The following MYT1 variants were observed in gnomAD, a reference collection of about 807,000 sequenced individuals.
MYT1 encodes the protein myelin transcription factor I.
MYT1 carries 23 observed loss-of-function variants against 123.0 expected under a neutral mutation model. The observed-to-expected ratio is 0.19, with a 90% confidence interval of 0.13 to 0.26. The LOEUF (loss-of-function observed/expected upper bound fraction) is 0.26. Among genes scored for constraint, MYT1 ranks in the 10% least tolerant of loss-of-function variants. MYT1 has a pLI of 1.00. For synonymous variants in MYT1, 518 were observed against 575.3 expected, an observed-to-expected ratio of 0.90 and a Z score of 1.43; for missense variants, 1,125 against 1,472.5, an observed-to-expected ratio of 0.76 and a Z score of 3.86.
At chr20:64,230,411 G>C (rs1172331659) in intron 18 of MYT1, among the ~76,000 whole-genome samples, 1 of 152,262 alleles carries the variant, frequency 6.6e-6, no homozygotes, top group Non-Finnish European at 1.5e-5. Flanking sequence ...TACTCGGGAG[G>C]CTGAGGCAGG....
Position 64,192,518 on chromosome 20 carries a change from G to A in MYT1, c.-1+2358G>A, listed in dbSNP as rs1418282477. Among the ~76,000 whole-genome samples the A allele has an allele frequency of 6.6e-6, 1 of 152,342 alleles. No individual in the cohort carries two copies. Among genetic ancestry groups the A allele is most frequent in the Admixed American group, 6.5e-5 (1 of 15,308 alleles). The stretch of plus-strand genomic sequence containing the variant: ...GGTGAGGAGCCAGCATGGGAGGGCA[G>A]TGAACACACAAACCCTGTGCATGGG... On this transcript the variant is annotated intron_variant, in intron 2 of 22. Coordinates refer to ENST00000328439, the MANE Select transcript of MYT1 (RefSeq NM_004535.3). The surrounding 1 kb of genome is among the most constrained non-coding windows in gnomAD (Gnocchi z 5.3).
chr20:64,222,056 C>T lies in MYT1; in HGVS notation c.2396+9C>T, dbSNP rs927730233. Reference sequence around the variant, plus strand: ...AAGAAGGAGCTGCTCACGTAAGTCCCTGTTTGGCTGGCACAGCTCCTAGGG... The same window carrying T: ...AAGAAGGAGCTGCTCACGTAAGTCCTTGTTTGGCTGGCACAGCTCCTAGGG... On this transcript the variant is annotated intron_variant, in intron 14 of 22. Coordinates refer to ENST00000328439, the MANE Select transcript of MYT1 (RefSeq NM_004535.3). 1.5e-5 allele frequency: 24 copies of T among 1,612,142 alleles called. No individual in the cohort carries two copies. Among genetic ancestry groups the T allele is most frequent in the Non-Finnish European group, 1.9e-5 (23 of 1,179,836 alleles).
chr20:64,200,037 C>T, intron 4 of MYT1, 115 bp downstream of exon 4: 1 of 1,250,080 alleles, frequency 8.0e-7, no homozygotes, highest in Non-Finnish European at 1.2e-6. Flanking sequence ...CTGGTGAGCC[C>T]CTGCTTTCCC....
rs1412388379 is a variant in MYT1, at chr20:64,242,204, T to C, written c.*1756T>C. 6.6e-6 allele frequency: 1 copy of C among 152,518 alleles called. No individual in the cohort carries two copies. The highest frequency in any genetic ancestry group is 2.4e-5 in the African/African-American group (1 of 41,410). The allele number at this position is 152,518 out of a possible 1,614,324, so 9.4% of individuals were successfully genotyped here. A position where few individuals can be genotyped will look rare whatever the true frequency, so the allele number is the denominator to read the frequency against. ...AGCGCGTTGAACCCACAGCACTCCG[T>C]GGTGTGTTTGCAGGGTGATTTCCTA... is the stretch of plus-strand genomic sequence containing the variant. On this transcript the variant is annotated 3_prime_UTR_variant, in exon 23 of 23. Coordinates refer to ENST00000328439, the MANE Select transcript of MYT1 (RefSeq NM_004535.3).
intron 3 of MYT1, 25 bp downstream of exon 3, chr20:64,198,941 A>G: frequency 6.2e-7 from 1 of 1,612,518 alleles, no homozygotes; most frequent in Non-Finnish European, 8.5e-7. Context: ...CCCCTCCTCC[A>G]GGGCTGTAAA....
chr20:64,211,743 AT>A (rs1983672354), intron 8 of MYT1, among the ~76,000 whole-genome samples: 1 of 152,358 alleles, frequency 6.6e-6, no homozygotes, highest in East Asian at 1.9e-4. Context: ...TGAAAATTAA[AT>A]TTAAAGGAGC....
intron 10 of MYT1, among the ~76,000 whole-genome samples, chr20:64,214,374 T>G (rs1301085995): frequency 6.6e-6 from 1 of 152,260 alleles, no homozygotes; most frequent in African/African-American, 2.4e-5. Flanking sequence ...TATGTTTACA[T>G]GTGCGTGCAA....
chr20:64,196,926 T>C lies in MYT1; in HGVS notation c.1-1936T>C, dbSNP rs1298982762. 6.6e-6 allele frequency among the ~76,000 whole-genome samples: 1 copy of C among 152,242 alleles called. No individual in the cohort carries two copies. Among genetic ancestry groups the C allele is most frequent in the Non-Finnish European group, 1.5e-5 (1 of 68,044 alleles). On this transcript the variant is annotated intron_variant, in intron 2 of 22. Coordinates refer to ENST00000328439, the MANE Select transcript of MYT1 (RefSeq NM_004535.3). The surrounding 1 kb of genome is among the most constrained non-coding windows in gnomAD (Gnocchi z 4.3). The stretch of plus-strand genomic sequence containing the variant: ...ATAAAGCCGTAGATTGCATTTCAGC[T>C]GAGTGCAGGCACCGCACAAGTCCCA...
chr20:64,210,323 G>A (rs1028029649), intron 7 of MYT1, among the ~76,000 whole-genome samples: 10 of 152,268 alleles, frequency 6.6e-5, no homozygotes, highest in African/African-American at 2.2e-4. Flanking sequence ...TGAACGTGCG[G>A]TTCTGGTTCT....
intron 22 of MYT1, 145 bp from the exon 23 acceptor site, chr20:64,240,175 A>T: frequency 8.3e-7 from 1 of 1,210,158 alleles, no homozygotes; most frequent in Non-Finnish European, 1.1e-6. Flanking sequence ...GGATGGCTGC[A>T]GAGAGGAACG....
rs1983717815 is a variant in MYT1, at chr20:64,212,727, G to A, written c.1517+589G>A. ...CTCTGGGCTGCTTTGTGGGAGTTCTGAGGCCCAGGTGGAAGTGAAGCTTCC... is the reference window on the plus strand; with the variant it reads ...CTCTGGGCTGCTTTGTGGGAGTTCTAAGGCCCAGGTGGAAGTGAAGCTTCC... On this transcript the variant is annotated intron_variant, in intron 9 of 22. Transcript: ENST00000328439. This position sits in a 1 kb window ranked among gnomAD's most constrained non-coding sequence, Gnocchi z 6.8. 6.6e-6 allele frequency among the ~76,000 whole-genome samples: 1 copy of A among 152,096 alleles called. No homozygotes were observed. The highest frequency in any genetic ancestry group is 2.1e-4 in the South Asian group (1 of 4,814).
Position 64,185,536 on chromosome 20 carries a change from G to T in MYT1, c.-98-4527G>T, listed in dbSNP as rs1025891730. On this transcript the variant is annotated intron_variant, in intron 1 of 22. Coordinates refer to ENST00000328439, the MANE Select transcript of MYT1 (RefSeq NM_004535.3). The surrounding 1 kb of genome is among the most constrained non-coding windows in gnomAD (Gnocchi z 4.5). ...TCAGTCTTCCTGTTATTTTGTTCTT[G>T]TTTTCAGAGTGGGGAGGTTTTACAC... 6.6e-6 allele frequency among the ~76,000 whole-genome samples: 1 copy of T among 152,232 alleles called. No individual in the cohort carries two copies. The highest frequency in any genetic ancestry group is 1.5e-5 in the Non-Finnish European group (1 of 68,034).
In MYT1 at chr20:64,208,030, A is replaced by G. The variant is rs770887976; in HGVS notation, c.834A>G (p.Glu278=). The G allele has an allele frequency of 1.5e-5, 24 of 1,591,408 alleles. No homozygotes were observed. The highest frequency in any genetic ancestry group is 1.0e-4 in the Admixed American group (6 of 58,868). ...EEEEEEDEEE[E]EEEEEEEEEE... ...AGGAGGAGGAGGATGAAGAAGAGGA[A>G]GAGGAAGAGGAGGAGGAAGAGGAAG... The change falls in exon 7 of 23, where the codon GAA becomes GAG. Residue 278 remains glutamate (E), a synonymous_variant. Coordinates refer to ENST00000328439, the MANE Select transcript of MYT1 (RefSeq NM_004535.3). The surrounding 1 kb of genome is among the most constrained non-coding windows in gnomAD (Gnocchi z 5.4).
At chr20:64,236,942 G>A (rs145021915) in intron 20 of MYT1, among the ~76,000 whole-genome samples, 61 of 152,282 alleles carry the variant, frequency 4.0e-4, no homozygotes, top group Non-Finnish European at 7.2e-4. Flanking sequence ...TGAGTTTGTG[G>A]AGAGGTGTGG....
intron 19 of MYT1, among the ~76,000 whole-genome samples, chr20:64,235,959 G>A: frequency 7.0e-6 from 1 of 143,432 alleles, no homozygotes; most frequent in South Asian, 2.3e-4. Context: ...TGGACGTGGT[G>A]GGTGACCCTG....
rs1601713732 is a variant in MYT1, at chr20:64,208,151, C to T, written c.955C>T (p.His319Tyr). Residue 319 changes from histidine (H) to tyrosine (Y), a missense_variant, in exon 7 of 23, where the codon CAC (histidine) becomes TAC (tyrosine). His to Tyr is a moderately conservative substitution (Grantham distance 83). Transcript: ENST00000328439. The surrounding 1 kb of genome is among the most constrained non-coding windows in gnomAD (Gnocchi z 5.4). ...PDVIFQEDTS[H>Y]TSAQKAPELR... is the part of the protein sequence containing the mutation. Reference sequence around the variant, plus strand: ...TGTGATCTTTCAGGAAGACACCTCTCACACCTCTGCCCAGAAGGCCCCTGA... The same window carrying T: ...TGTGATCTTTCAGGAAGACACCTCTTACACCTCTGCCCAGAAGGCCCCTGA... The T allele has an allele frequency of 6.2e-7, 1 of 1,613,234 alleles. No individual in the cohort carries two copies. The highest frequency in any genetic ancestry group is 1.7e-5 in the Admixed American group (1 of 59,990).
At chr20:64,169,351 C>G (rs1982176288) in intron 1 of MYT1, among the ~76,000 whole-genome samples, 1 of 152,256 alleles carries the variant, frequency 6.6e-6, no homozygotes, top group Non-Finnish European at 1.5e-5. Flanking sequence ...CCGGTGTGCG[C>G]CTCGCTGAGC....
chr20:64,212,174 GGTGGGGGCCGTGGTGGGGGCC>G lies in MYT1; in HGVS notation c.1517+37_1517+57del. 2.5e-6 allele frequency: 3 copies of G among 1,183,220 alleles called. No individual in the cohort carries two copies. The highest frequency in any genetic ancestry group is 5.0e-5 in the African/African-American group (2 of 39,848). The allele number at this position is 1,183,220 out of a possible 1,614,324, so 73.3% of individuals were successfully genotyped here. On this transcript the variant is annotated intron_variant, in intron 9 of 22. Coordinates refer to ENST00000328439, the MANE Select transcript of MYT1 (RefSeq NM_004535.3). The surrounding 1 kb of genome is among the most constrained non-coding windows in gnomAD (Gnocchi z 6.8). ...TGAGCTGGGCCGTAGTGGGGGCCAG[GGTGGGGGCCGTGGTGGGGGCC>G]AGGGTGGGGGCCGTGGTGGGGGCCA...
At chr20:64,179,424 G>A (rs546909077) in intron 1 of MYT1, among the ~76,000 whole-genome samples, 1 of 152,350 alleles carries the variant, frequency 6.6e-6, no homozygotes, top group South Asian at 2.1e-4. Flanking sequence ...CTATGCCAGA[G>A]GGAAATGCCA....
Sources: gnomAD v4.1 joint callset for allele counts (sites outside exome capture counted in the v4.1 genomes callset) on GRCh38, gnomAD v4.1.1 for gene constraint, Gnocchi (gnomAD v3.1) non-coding constraint, MANE v1.5 for transcripts, NCBI Gene and HGNC (gene_info 2026-07-23, HGNC 2026-07-21) for gene names.